Variants in CRYL1 observed in about 807,000 individuals in gnomAD.
CRYL1 encodes the protein lambda-crystallin homolog.
A neutral mutation model predicts 36.6 loss-of-function variants in CRYL1; 29 were observed. That is an observed-to-expected ratio of 0.79 (90% CI 0.59 to 1.08). CRYL1 has a LOEUF of 1.08. Among genes scored for constraint, CRYL1 ranks in the 50% least tolerant of loss-of-function variants. The pLI is 0.00. For synonymous variants in CRYL1, 152 were observed against 151.5 expected, an observed-to-expected ratio of 1.00 and a Z score of -0.02; for missense variants, 411 against 407.9, an observed-to-expected ratio of 1.01 and a Z score of -0.06.
chr13:20,437,564 C>T (rs2032258485), intron 4 of CRYL1, among the ~76,000 whole-genome samples: 1 of 152,140 alleles, frequency 6.6e-6, no homozygotes, highest in Non-Finnish European at 1.5e-5. Flanking sequence ...ACCTCGGCCT[C>T]CCAAAGGGGA....
At chr13:20,454,546 T>C (rs1414037406) in intron 3 of CRYL1, among the ~76,000 whole-genome samples, 2 of 151,508 alleles carry the variant, frequency 1.3e-5, no homozygotes, top group Non-Finnish European at 2.9e-5. Context: ...GCCTCCTGAG[T>C]AGCTGGGACT....
At chr13:20,419,669 A>G (rs1258604574) in intron 5 of CRYL1, among the ~76,000 whole-genome samples, 2 of 152,054 alleles carry the variant, frequency 1.3e-5, no homozygotes, top group African/African-American at 4.8e-5. Flanking sequence ...CAAGTGATCC[A>G]CCCAGAGTGC....
chr13:20,424,865 A>C (rs1302366379), intron 5 of CRYL1, among the ~76,000 whole-genome samples: 3 of 152,100 alleles, frequency 2.0e-5, no homozygotes, highest in Non-Finnish European at 4.4e-5. Flanking sequence ...AGATGCTTCA[A>C]ATGTTGTGTC....
At chr13:20,428,325 A>T (rs1008972224) in intron 5 of CRYL1, among the ~76,000 whole-genome samples, 9 of 152,216 alleles carry the variant, frequency 5.9e-5, no homozygotes, top group Non-Finnish European at 1.3e-4. Flanking sequence ...AACAGTAAGT[A>T]TATAATATTC....
At chr13:20,512,897 G>C (rs2033939637) in intron 1 of CRYL1, among the ~76,000 whole-genome samples, 1 of 152,130 alleles carries the variant, frequency 6.6e-6, no homozygotes, top group African/African-American at 2.4e-5. Flanking sequence ...AGGGTAACTA[G>C]AGTTCACAAC....
chr13:20,457,085 C>T (rs2032708977), intron 3 of CRYL1, among the ~76,000 whole-genome samples: 1 of 152,090 alleles, frequency 6.6e-6, no homozygotes, highest in Non-Finnish European at 1.5e-5. Flanking sequence ...CCCAGCTTAC[C>T]CACCTCAGCC....
chr13:20,479,988 T>C (rs1045446262), intron 3 of CRYL1, among the ~76,000 whole-genome samples: 1 of 152,188 alleles, frequency 6.6e-6, no homozygotes, highest in Non-Finnish European at 1.5e-5. Flanking sequence ...ACACACCAGG[T>C]GACCTCCCCA....
At chr13:20,444,709 G>C (rs539424164) in intron 3 of CRYL1, among the ~76,000 whole-genome samples, 6 of 152,354 alleles carry the variant, frequency 3.9e-5, no homozygotes, top group African/African-American at 1.4e-4. Context: ...AGGAACAAGT[G>C]AGAGTTTTGA....
intron 3 of CRYL1, chr13:20,476,922 G>A (rs1264363351): frequency 6.6e-6 from 1 of 152,398 alleles, no homozygotes; most frequent in Non-Finnish European, 1.5e-5. Flanking sequence ...AGCACTTTGG[G>A]AGGCCGAGGC....
intron 2 of CRYL1, among the ~76,000 whole-genome samples, chr13:20,491,443 G>A (rs777744296): frequency 1.8e-4 from 28 of 152,168 alleles, no homozygotes; most frequent in South Asian, 4.1e-4. Flanking sequence ...CATCCCCAGT[G>A]AGCAGGCATT....
chr13:20,424,502 G>A (rs927025805), intron 5 of CRYL1, among the ~76,000 whole-genome samples: 2 of 152,216 alleles, frequency 1.3e-5, no homozygotes, highest in Admixed American at 6.5e-5. Flanking sequence ...TTCAGAAGGC[G>A]CAGAAGACAG....
intron 2 of CRYL1, among the ~76,000 whole-genome samples, chr13:20,505,255 G>T (rs1275100730): frequency 6.6e-6 from 1 of 151,504 alleles, no homozygotes; most frequent in Non-Finnish European, 1.5e-5. Flanking sequence ...TACTCGGGAG[G>T]CTGAAGGAGG....
chr13:20,504,717 G>A (rs1206286851), intron 2 of CRYL1, among the ~76,000 whole-genome samples: 1 of 152,136 alleles, frequency 6.6e-6, no homozygotes, highest in Non-Finnish European at 1.5e-5. Flanking sequence ...AAGGTCAAGC[G>A]ACCTTCTATT....
chr13:20,512,488 TAG>T lies in CRYL1; in HGVS notation c.102_103del (p.Tyr35Ter), dbSNP rs781381092. ...CCTTATCTGCTGTTGCTCAATGTCATAGAGTTTCACCTGGAAGCCTCCACTGG... is the reference window on the plus strand; with the variant it reads ...CCTTATCTGCTGTTGCTCAATGTCATAGTTTCACCTGGAAGCCTCCACTGG... On this transcript the variant is annotated frameshift_variant, in exon 2 of 8. Transcript: ENST00000298248. LOFTEE classifies it high-confidence loss of function. 7 of 1,614,146 alleles carry T rather than the reference TAG, an allele frequency of 4.3e-6. No individual in the cohort carries two copies. In the South Asian group the frequency reaches 7.7e-5, roughly 18 times the overall value.
At chr13:20,503,922 A>T (rs917431822) in intron 2 of CRYL1, among the ~76,000 whole-genome samples, 18 of 152,314 alleles carry the variant, frequency 1.2e-4, no homozygotes, top group African/African-American at 3.4e-4. Context: ...AGTTTCAGAG[A>T]TCACTGCTGG....
chr13:20,490,761 G>A (rs1036107095), intron 2 of CRYL1, among the ~76,000 whole-genome samples: 7 of 152,158 alleles, frequency 4.6e-5, no homozygotes, highest in Admixed American at 1.3e-4. Context: ...TAGCAGAGTA[G>A]GCTTCGGGGC....
chr13:20,525,779 C>T lies in CRYL1; in HGVS notation c.16G>A (p.Ala6Thr), dbSNP rs796865876. Residue 6 changes from alanine (A) to threonine (T), a missense_variant, in exon 1 of 8, where the codon GCC becomes ACC. Coordinates refer to ENST00000298248, the MANE Select transcript of CRYL1 (RefSeq NM_015974.3). This position sits in a 1 kb window ranked among gnomAD's most constrained non-coding sequence, Gnocchi z 4.3. ...CTGCCAACGATCACCACGCAGCCGG[C>T]CGCGGAGGACGCCATGGTTGGGCCG... is the stretch of plus-strand genomic sequence containing the variant. MASSAAGCVVIVGSGV... is the reference protein window; with the variant it reads MASSATGCVVIVGSGV... 4 of 1,287,448 alleles carry T rather than the reference C, an allele frequency of 3.1e-6. No individual in the cohort carries two copies. The South Asian group carries it at 1.0e-4, about 32-fold the overall frequency. The allele number at this position is 1,287,448 out of a possible 1,614,324, so 79.8% of individuals were successfully genotyped here.
At chr13:20,518,267 G>A (rs2034037397) in intron 1 of CRYL1, among the ~76,000 whole-genome samples, 1 of 152,148 alleles carries the variant, frequency 6.6e-6, no homozygotes. Flanking sequence ...AAAGCACTTG[G>A]GAGAAAGAAA....
chr13:20,446,712 A>T (rs942700126), intron 3 of CRYL1, among the ~76,000 whole-genome samples: 1 of 151,238 alleles, frequency 6.6e-6, no homozygotes, highest in South Asian at 2.1e-4. Context: ...CACCTCTAGA[A>T]TTTTTTTTGT....
Sources: gnomAD v4.1 joint callset for allele counts (sites outside exome capture counted in the v4.1 genomes callset) on GRCh38, gnomAD v4.1.1 for gene constraint, Gnocchi (gnomAD v3.1) non-coding constraint, MANE v1.5 for transcripts, NCBI Gene and HGNC (gene_info 2026-07-23, HGNC 2026-07-21) for gene names.